APOLD1: variants seen among roughly 807,000 people sequenced by gnomAD.
The protein encoded by APOLD1 is apolipoprotein L domain-containing protein 1.
Under a neutral mutation model 15.3 loss-of-function variants are expected in APOLD1, and 22 were observed. That is an observed-to-expected ratio of 1.44 (90% CI 1.03 to 2.05). APOLD1 has a LOEUF of 2.05. Among genes scored for constraint, APOLD1 ranks in the 30% most tolerant of loss-of-function variants. APOLD1 has a pLI of 0.00. For missense variants in APOLD1, 394 were observed against 353.5 expected (o/e 1.11, Z -0.92); for synonymous variants, 190 against 167.4 (o/e 1.13, Z -1.04).
intron 1 of APOLD1, among the ~76,000 whole-genome samples, chr12:12,766,720 G>A (rs1946945450): frequency 6.6e-6 from 1 of 152,068 alleles, no homozygotes; most frequent in Non-Finnish European, 1.5e-5. Context: ...GTGGTGGCAC[G>A]TGCCTGTAAT....
intron 1 of APOLD1, among the ~76,000 whole-genome samples, chr12:12,742,724 A>G (rs890877541): frequency 1.3e-5 from 2 of 148,490 alleles, no homozygotes; most frequent in Non-Finnish European, 3.0e-5. Context: ...AGATCGCGCC[A>G]CTGCACTCCA....
chr12:12,738,980 T>C (rs971973237), intron 1 of APOLD1, among the ~76,000 whole-genome samples: 7 of 152,248 alleles, frequency 4.6e-5, no homozygotes, highest in Admixed American at 4.6e-4. Context: ...CTGGGCTCTG[T>C]TACTAGCTGC....
upstream of APOLD1, among the ~76,000 whole-genome samples, chr12:12,783,747 C>T (rs1177402362): frequency 6.6e-6 from 1 of 151,504 alleles, no homozygotes; most frequent in East Asian, 1.9e-4. Flanking sequence ...GATCCTCCTG[C>T]CTCAGCGTCC....
chr12:12,741,717 A>G (rs1946730541), intron 1 of APOLD1, among the ~76,000 whole-genome samples: 1 of 152,226 alleles, frequency 6.6e-6, no homozygotes, highest in African/African-American at 2.4e-5. Flanking sequence ...GTACAGTTAT[A>G]TAATAACAAT....
intron 1 of APOLD1, among the ~76,000 whole-genome samples, chr12:12,742,197 C>T (rs1441148396): frequency 6.6e-6 from 1 of 151,954 alleles, no homozygotes; most frequent in Non-Finnish European, 1.5e-5. Flanking sequence ...ATGGAAAGAA[C>T]AAAATTACGA....
intron 1 of APOLD1, among the ~76,000 whole-genome samples, chr12:12,743,323 C>A (rs769993454): frequency 1.4e-4 from 21 of 151,948 alleles, no homozygotes; most frequent in Non-Finnish European, 2.6e-4. Context: ...TGAGCCCAGT[C>A]AATCACTGAT....
intron 1 of APOLD1, among the ~76,000 whole-genome samples, chr12:12,746,743 T>C (rs1000748221): frequency 6.6e-6 from 1 of 152,180 alleles, no homozygotes; most frequent in Non-Finnish European, 1.5e-5. Context: ...ATTGCCCAAG[T>C]AGTGAACGTA....
intron 1 of APOLD1, among the ~76,000 whole-genome samples, chr12:12,750,177 G>A (rs1044369448): frequency 5.9e-5 from 9 of 151,900 alleles, no homozygotes; most frequent in Non-Finnish European, 1.2e-4. Flanking sequence ...GTTCGAGACC[G>A]GCCTGACCAA....
chr12:12,745,849 C>T (rs141252139), intron 1 of APOLD1, among the ~76,000 whole-genome samples: 3 of 152,124 alleles, frequency 2.0e-5, no homozygotes, highest in Non-Finnish European at 2.9e-5. Context: ...TCTTTCAGCC[C>T]GCATGCTTGC....
intron 1 of APOLD1, among the ~76,000 whole-genome samples, chr12:12,747,035 A>G (rs770624392): frequency 5.9e-5 from 9 of 152,148 alleles, no homozygotes; most frequent in Non-Finnish European, 1.0e-4. Context: ...AAATCTTCAG[A>G]CTTCTAGATT....
At chr12:12,771,757 T>C (rs1946989217) in intron 1 of APOLD1, 1 of 302,114 alleles carries the variant, frequency 3.3e-6, no homozygotes, top group Non-Finnish European at 6.5e-6. Context: ...ATGTTCTAGA[T>C]TATATATTGC....
chr12:12,775,566 T>G (rs1360662746), intron 1 of APOLD1, among the ~76,000 whole-genome samples: 2 of 152,208 alleles, frequency 1.3e-5, no homozygotes, highest in African/African-American at 4.8e-5. Context: ...TATGTTCCAC[T>G]CAATTTTGTT....
intron 1 of APOLD1, among the ~76,000 whole-genome samples, chr12:12,746,174 C>T (rs969012618): frequency 6.6e-6 from 1 of 151,980 alleles, no homozygotes; most frequent in African/African-American, 2.4e-5. Context: ...AAACGTATGT[C>T]TCTGTAGTTG....
chr12:12,736,523 T>A (rs1437818927), intron 1 of APOLD1, among the ~76,000 whole-genome samples: 1 of 152,166 alleles, frequency 6.6e-6, no homozygotes, highest in Non-Finnish European at 1.5e-5. Flanking sequence ...TGAGACCCTG[T>A]CTCAAAAGAA....
At chr12:12,738,202 CTTTTTTTTT>C (rs71436733) in intron 1 of APOLD1, among the ~76,000 whole-genome samples, 3 of 117,556 alleles carry the variant, frequency 2.6e-5, no homozygotes, top group Non-Finnish European at 5.0e-5. Context: ...CAAGCAAGTC[CTTTTTTTTT>C]TTTTTTTTTT....
chr12:12,764,577 A>G, intron 1 of APOLD1: 1 of 308,058 alleles, frequency 3.2e-6, no homozygotes, highest in Non-Finnish European at 6.6e-6. Context: ...TTTATTTCTA[A>G]CTTTCTATAT....
At chr12:12,784,801 G>A (rs530218049), upstream of APOLD1, among the ~76,000 whole-genome samples, 1 of 152,292 alleles carries the variant, frequency 6.6e-6, no homozygotes, top group South Asian at 2.1e-4. Flanking sequence ...GGTCTGGTCT[G>A]CAGCAAGTCC....
chr12:12,727,207 T>C (rs1034494623), intron 1 of APOLD1, among the ~76,000 whole-genome samples: 17 of 152,194 alleles, frequency 1.1e-4, no homozygotes, highest in Non-Finnish European at 1.6e-4. Context: ...CAAATTGAGA[T>C]GTGCTATATG....
chr12:12,762,601 C>T (rs181625592), intron 1 of APOLD1, among the ~76,000 whole-genome samples: 288 of 151,980 alleles, frequency 1.9e-3, no homozygotes, highest in African/African-American at 6.5e-3. Flanking sequence ...GATCCATCCA[C>T]CTCAGCCTCC....
Sources: allele counts gnomAD v4.1 joint callset (sites outside exome capture counted in the v4.1 genomes callset), GRCh38; gene constraint gnomAD v4.1.1; transcripts MANE v1.5; gene names NCBI Gene and HGNC (gene_info 2026-07-23, HGNC 2026-07-21).